Variants in MCC observed in about 807,000 individuals in gnomAD.
The protein encoded by MCC is MCC regulator of Wnt signaling pathway, also known as colorectal mutant cancer protein.
MCC carries 90 observed loss-of-function variants against 116.2 expected under a neutral mutation model. The ratio of observed to expected loss-of-function variants is 0.77; its 90% CI spans 0.65 to 0.92. MCC has a LOEUF of 0.92. Ranked by LOEUF, MCC falls within the 40% of genes least tolerant of loss-of-function variation. MCC has a pLI of 0.00. For missense variants in MCC, 1,516 were observed against 1,312.2 expected (o/e 1.16, Z -2.40); for synonymous variants, 578 against 510.5 (o/e 1.13, Z -1.78).
At chr5:113,132,427 C>CATATATAT (rs1162820789) in intron 5 of MCC, among the ~76,000 whole-genome samples, 143 of 106,376 alleles carry the variant, frequency 1.3e-3, no homozygotes, top group South Asian at 3.0e-3. Context: ...TACACACATA[C>CATATATAT]ATATATATAT....
intron 5 of MCC, among the ~76,000 whole-genome samples, chr5:113,132,279 T>G (rs546505309): frequency 2.0e-5 from 3 of 151,334 alleles, no homozygotes; most frequent in Admixed American, 2.0e-4. Context: ...AACCTACCTA[T>G]TAAATTATGA....
rs780485998 is a variant in MCC, at chr5:113,064,167, C to G, written c.2030G>C (p.Gly677Ala). 1.9e-6 allele frequency: 3 copies of G among 1,606,454 alleles called. No homozygotes were observed. In the Admixed American group the frequency reaches 5.0e-5, roughly 27 times the overall value. Residue 677 changes from glycine to alanine, a missense_variant and splice_region_variant, in exon 14 of 19, where the codon GGA becomes GCA. By Grantham distance (60) the Gly-to-Ala change is moderately conservative (BLOSUM62 0). Coordinates refer to ENST00000408903, the MANE Select transcript of MCC (RefSeq NM_001085377.2). ...GATGTTTTCATCCCCCGACTGGTCT[C>G]CTATGTGGCAGAGAAGCCAACGGAT... ...FRAAGVGSSP[G>A]DQSGDENITQ...
Position 113,085,232 on chromosome 5 carries a change from G to A in MCC, c.1477C>T (p.Arg493Cys), listed in dbSNP as rs757539653. The A allele has an allele frequency of 1.4e-5, 23 of 1,614,082 alleles. No homozygotes were observed. Among genetic ancestry groups the A allele is most frequent in the Middle Eastern group, 1.6e-4 (1 of 6,084 alleles). Residue 493 changes from arginine to cysteine, a missense_variant, in exon 9 of 19, where the codon CGC becomes TGC. Physicochemically the swap from Arg to Cys is radical, Grantham distance 180. Transcript: ENST00000408903. The part of the protein sequence containing the change: ...SSPGRLTSTN[R>C]PINPSTGELS... The stretch of plus-strand genomic sequence containing the variant: ...TCCCCAGTGCTGGGGTTAATCGGGC[G>A]GTTGGTGGAAGTGAGGCGGCCAGGG...
intron 6 of MCC, among the ~76,000 whole-genome samples, chr5:113,110,083 A>G (rs1757000496): frequency 6.6e-6 from 1 of 152,124 alleles, no homozygotes; most frequent in South Asian, 2.1e-4. Context: ...CTCCCCAAGT[A>G]GCTGGGGTTA....
chr5:113,468,675 A>C (rs1290251466), intron 1 of MCC, among the ~76,000 whole-genome samples: 1 of 152,214 alleles, frequency 6.6e-6, no homozygotes, highest in Non-Finnish European at 1.5e-5. Context: ...CGGCTTTGGT[A>C]TCAAGATGAT....
intron 2 of MCC, among the ~76,000 whole-genome samples, chr5:113,372,282 A>G (rs1353874662): frequency 1.3e-5 from 2 of 152,250 alleles, no homozygotes; most frequent in African/African-American, 4.8e-5. Flanking sequence ...CAAAAAGAGC[A>G]GCACCAAATA....
rs572043996 is a variant in MCC at position 113,251,280 on chromosome 5, T to C, written c.627+89239A>G. 3.3e-5 allele frequency among the ~76,000 whole-genome samples: 5 copies of C among 152,378 alleles called. No homozygotes were observed. In the South Asian group the frequency reaches 1.0e-3, roughly 32 times the overall value. The stretch of plus-strand genomic sequence containing the variant: ...TTCCATAACTTTAATTAGCACTGTC[T>C]GCGTTTTTTTAAGTTGGTATTGCCT... On this transcript the variant is annotated intron_variant, in intron 3 of 18. Transcript: ENST00000408903.
chr5:113,295,409 T>G (rs944595434), intron 3 of MCC, among the ~76,000 whole-genome samples: 1 of 149,414 alleles, frequency 6.7e-6, no homozygotes, highest in Non-Finnish European at 1.5e-5. Context: ...TGGGGCAGAG[T>G]ACATTTTCTG....
At chr5:113,058,549 CTG>C (rs1036562047) in intron 14 of MCC, among the ~76,000 whole-genome samples, 13 of 152,194 alleles carry the variant, frequency 8.5e-5, no homozygotes, top group Admixed American at 3.9e-4. Context: ...GCTCAGGAGC[CTG>C]TGAGGTGACT....
chr5:113,103,205 G>A (rs1319535165), intron 7 of MCC, among the ~76,000 whole-genome samples: 2 of 152,190 alleles, frequency 1.3e-5, no homozygotes, highest in Admixed American at 6.5e-5. Context: ...CATCACTCTT[G>A]GATGCTCATG....
chr5:113,371,501 T>C (rs1768836180), intron 2 of MCC, among the ~76,000 whole-genome samples: 1 of 152,236 alleles, frequency 6.6e-6, no homozygotes, highest in South Asian at 2.1e-4. Context: ...TCTGACACGG[T>C]AATATTTTTG....
At chr5:113,327,284 C>T (rs1299633334) in intron 3 of MCC, among the ~76,000 whole-genome samples, 2 of 151,900 alleles carry the variant, frequency 1.3e-5, no homozygotes, top group South Asian at 2.1e-4. Context: ...CAGTGGCTCA[C>T]GTCTGTAATC....
rs1457358449 is a variant in MCC at position 113,336,853 on chromosome 5, AAGG to A, written c.627+3663_627+3665del. On this transcript the variant is annotated intron_variant, in intron 3 of 18. Coordinates refer to ENST00000408903, the MANE Select transcript of MCC (RefSeq NM_001085377.2). ...TCATGGTATCCACTGTCTTAGGTAG[AAGG>A]AGAAGACTGGTGATTGGTGGTAGAA... Among the ~76,000 whole-genome samples the A allele has an allele frequency of 5.3e-5, 8 of 152,252 alleles. No homozygotes were observed. In the East Asian group the frequency reaches 7.7e-4, roughly 15 times the overall value.
Position 113,054,574 on chromosome 5 carries a change from G to A in MCC, c.2214-615C>T, listed in dbSNP as rs369587799. Among the ~76,000 whole-genome samples, 57 of 152,290 alleles carry A rather than the reference G, an allele frequency of 3.7e-4. 1 individual carries two copies. The South Asian group carries it at 0.011, about 29-fold the overall frequency. ...TCCCTGCGGAGCAGCACCGAAGGGG[G>A]CTGTTTTGCTGTGTTTACTTCTGTT... On this transcript the variant is annotated intron_variant, in intron 14 of 18. Coordinates refer to ENST00000408903, the MANE Select transcript of MCC (RefSeq NM_001085377.2).
chr5:113,053,590 T>C (rs1393967649), intron 15 of MCC, 135 bp downstream of exon 15: 4 of 627,224 alleles, frequency 6.4e-6, no homozygotes, highest in Non-Finnish European at 1.1e-5. Context: ...AAACCAGCTC[T>C]GTCTATAAAC....
In MCC at chr5:113,085,309, A is replaced by T; in HGVS notation, c.1400T>A (p.Val467Asp). Reference sequence around the variant, plus strand: ...CTGTAGTCGAGTTTGAAGCTCTCTGACCTGAAATCATAATGCTTTTAGACA... The same window carrying T: ...CTGTAGTCGAGTTTGAAGCTCTCTGTCCTGAAATCATAATGCTTTTAGACA... ...REERDRLRRRVRELQTRLQSV... is the reference protein window; with the variant it reads ...REERDRLRRRDRELQTRLQSV... Residue 467 changes from valine to aspartate, a missense_variant and splice_region_variant, in exon 9 of 19, where the codon GTC becomes GAC. By Grantham distance (152) the Val-to-Asp change is radical. Coordinates refer to ENST00000408903, the MANE Select transcript of MCC (RefSeq NM_001085377.2). The T allele has an allele frequency of 6.2e-7, 1 of 1,608,318 alleles. No individual in the cohort carries two copies. Among genetic ancestry groups the T allele is most frequent in the Non-Finnish European group, 8.5e-7 (1 of 1,176,074 alleles).
chr5:113,169,558 CT>C (rs1341534396), intron 3 of MCC, among the ~76,000 whole-genome samples: 1 of 152,154 alleles, frequency 6.6e-6, no homozygotes, highest in Non-Finnish European at 1.5e-5. Context: ...AAAATGTTCT[CT>C]CATTAAGACC....
chr5:113,486,700 G>A (rs1772539801), intron 1 of MCC, among the ~76,000 whole-genome samples: 1 of 152,004 alleles, frequency 6.6e-6, no homozygotes, highest in East Asian at 1.9e-4. Context: ...AAAATTAGCC[G>A]GGAGTGGTAG....
chr5:113,412,075 T>C (rs1159362116), intron 1 of MCC, among the ~76,000 whole-genome samples: 1 of 152,214 alleles, frequency 6.6e-6, no homozygotes, highest in Non-Finnish European at 1.5e-5. Flanking sequence ...AAAGATCAGA[T>C]AGTTGTAGAT....
Sources: gnomAD v4.1 joint callset for allele counts (sites outside exome capture counted in the v4.1 genomes callset) on GRCh38, gnomAD v4.1.1 for gene constraint, MANE v1.5 for transcripts, NCBI Gene and HGNC (gene_info 2026-07-23, HGNC 2026-07-21) for gene names.